The following ZNF516 variants were observed in gnomAD, a reference collection of about 807,000 sequenced individuals.
The protein encoded by ZNF516 is zinc finger protein 516.
ZNF516 carries 19 observed loss-of-function variants against 79.7 expected under a neutral mutation model. The ratio of observed to expected loss-of-function variants is 0.24; its 90% confidence interval spans 0.17 to 0.35. The LOEUF (loss-of-function observed/expected upper bound fraction) is 0.35. Among genes scored for constraint, ZNF516 ranks in the 10% least tolerant of loss-of-function variants. ZNF516 has a pLI of 1.00. For synonymous variants in ZNF516, 877 were observed against 739.5 expected, an observed-to-expected ratio of 1.19 and a Z score of -3.02; for missense variants, 1,678 against 1,679.5, an observed-to-expected ratio of 1.00 and a Z score of 0.02.
chr18:76,479,514 G>C (rs564093911), intron 1 of ZNF516, among the ~76,000 whole-genome samples: 27 of 152,282 alleles, frequency 1.8e-4, no homozygotes, highest in Middle Eastern at 3.4e-3. Context: ...CCTGGGGCAG[G>C]CTGGCTTCCC....
chr18:76,483,880 G>A (rs533189197), intron 1 of ZNF516, among the ~76,000 whole-genome samples: 2 of 152,226 alleles, frequency 1.3e-5, no homozygotes, highest in Admixed American at 6.5e-5. Context: ...CTCCTTGAGC[G>A]CTGCCATGTG....
chr18:76,464,435 G>C (rs192822908), intron 1 of ZNF516, among the ~76,000 whole-genome samples: 1 of 152,220 alleles, frequency 6.6e-6, no homozygotes, highest in African/African-American at 2.4e-5. Flanking sequence ...TCTCAAGCTG[G>C]CATTCAGAAA....
At chr18:76,488,027 T>A (rs930614265) in intron 1 of ZNF516, 30 of 985,266 alleles carry the variant, frequency 3.0e-5, no homozygotes, top group Non-Finnish European at 3.0e-5. Flanking sequence ...TAATCACTGC[T>A]GCACAAACAG....
intron 1 of ZNF516, chr18:76,490,030 A>C (rs958434338): frequency 1.7e-5 from 5 of 294,324 alleles, no homozygotes; most frequent in Non-Finnish European, 2.5e-5. Flanking sequence ...CAAATTAGCA[A>C]ATGTTAAGAA....
At chr18:76,430,298 C>T (rs770403145) in intron 3 of ZNF516, among the ~76,000 whole-genome samples, 5 of 152,026 alleles carry the variant, frequency 3.3e-5, no homozygotes, top group East Asian at 3.9e-4. Flanking sequence ...AGTCTAATAC[C>T]GAAATAATCT....
chr18:76,482,008 G>T (rs1479728168), intron 1 of ZNF516, among the ~76,000 whole-genome samples: 2 of 152,152 alleles, frequency 1.3e-5, no homozygotes, highest in Non-Finnish European at 2.9e-5. Context: ...CCTTAAGAAT[G>T]TTATTGAAGG....
At chr18:76,432,949 G>T (rs552768901) in intron 3 of ZNF516, among the ~76,000 whole-genome samples, 1 of 152,304 alleles carries the variant, frequency 6.6e-6, no homozygotes, top group Admixed American at 6.5e-5. Flanking sequence ...AAGGGAAGAA[G>T]GCGACCTCCC....
At position 76,399,097 on chromosome 18, in the gene ZNF516, C is replaced by G. The variant is rs550884533; in HGVS notation, c.1811-18794G>C. On this transcript the variant is annotated intron_variant, in intron 3 of 6. Transcript: ENST00000443185. ...ATGCATGGAAGCTACCACTAGATGG[C>G]ACCTGCGCCCAAGCTATAGCCCGAC... is the stretch of plus-strand genomic sequence containing the variant. 6.6e-5 allele frequency among the ~76,000 whole-genome samples: 10 copies of G among 152,306 alleles called. No individual in the cohort carries two copies. In the East Asian group the frequency reaches 1.5e-3, roughly 24 times the overall value.
chr18:76,463,092 G>C lies in ZNF516; in HGVS notation c.-222C>G, dbSNP rs1353084945. On this transcript the variant is annotated 5_prime_UTR_variant, in exon 2 of 7. Transcript: ENST00000443185. ...TCCCAGTTGGATGCTGGTACTCTCA[G>C]CTAAAAGTGTTCAGAGAAGGACCGA... is the stretch of plus-strand genomic sequence containing the variant. 1 of 152,206 alleles carries C rather than the reference G, an allele frequency of 6.6e-6. No individual in the cohort carries two copies. The highest frequency in any genetic ancestry group is 2.4e-5 in the African/African-American group (1 of 41,444). The allele number at this position is 152,206 out of a possible 1,614,324, so 9.4% of individuals were successfully genotyped here.
chr18:76,456,367 CA>C (rs1263666392), intron 2 of ZNF516, among the ~76,000 whole-genome samples: 1 of 152,228 alleles, frequency 6.6e-6, no homozygotes, highest in Non-Finnish European at 1.5e-5. Context: ...CTAAAGGCCC[CA>C]AAATCTTGCT....
intron 4 of ZNF516, among the ~76,000 whole-genome samples, chr18:76,375,526 G>A (rs749933486): frequency 2.0e-5 from 3 of 151,650 alleles, no homozygotes; most frequent in Non-Finnish European, 4.4e-5. Flanking sequence ...GGACGCAGAA[G>A]GTCCTGGAGA....
At chr18:76,465,089 G>A (rs1363809760) in intron 1 of ZNF516, among the ~76,000 whole-genome samples, 2 of 152,224 alleles carry the variant, frequency 1.3e-5, no homozygotes, top group East Asian at 1.9e-4. Flanking sequence ...GCTCAAGGCT[G>A]GCATGCATCG....
intron 3 of ZNF516, among the ~76,000 whole-genome samples, chr18:76,437,617 TC>T (rs1170935050): frequency 2.0e-5 from 3 of 152,066 alleles, no homozygotes; most frequent in African/African-American, 4.8e-5. Context: ...ATTCCAGGAC[TC>T]CCCGATACCA....
chr18:76,379,136 C>A lies in ZNF516; in HGVS notation c.2978G>T (p.Gly993Val). The A allele has an allele frequency of 6.2e-7, 1 of 1,612,736 alleles. No homozygotes were observed. The highest frequency in any genetic ancestry group is 2.2e-5 in the East Asian group (1 of 44,862). ...QGPPPAKGEG[G>V]APPLPPREPP... Reference sequence around the variant, plus strand: ...CTCGCGGGGAGGTAGAGGAGGAGCGCCCCCTTCGCCCTTTGCAGGAGGTGG... The same window carrying A: ...CTCGCGGGGAGGTAGAGGAGGAGCGACCCCTTCGCCCTTTGCAGGAGGTGG... Residue 993 changes from glycine to valine, a missense_variant, in exon 4 of 7, where the codon GGC becomes GTC. Gly to Val is a moderately radical substitution (Grantham distance 109). This residue lies in a region of ZNF516 where 1,294 missense variants were observed against 1,248.3 expected (regional missense o/e 1.04). Transcript: ENST00000443185.
chr18:76,365,372 G>GT (rs1240010524), intron 6 of ZNF516, among the ~76,000 whole-genome samples: 2 of 151,870 alleles, frequency 1.3e-5, no homozygotes, highest in Non-Finnish European at 2.9e-5. Flanking sequence ...ATTTTTCTTG[G>GT]TTTCAAAAAT....
chr18:76,440,347 G>A (rs894671488), intron 3 of ZNF516, among the ~76,000 whole-genome samples: 41 of 152,148 alleles, frequency 2.7e-4, no homozygotes, highest in African/African-American at 9.2e-4. Context: ...GCCCTGCCCC[G>A]GGCTTGGATT....
chr18:76,378,736 G>C (rs1408433407), intron 4 of ZNF516, 119 bp downstream of exon 4: 12 of 1,410,488 alleles, frequency 8.5e-6, no homozygotes, highest in Non-Finnish European at 1.1e-5. Context: ...CAGTGGGATG[G>C]GGCCGGCTGG....
chr18:76,427,511 C>T (rs1046660288), intron 3 of ZNF516, among the ~76,000 whole-genome samples: 1 of 152,162 alleles, frequency 6.6e-6, no homozygotes, highest in African/African-American at 2.4e-5. Flanking sequence ...CGAGGTTTTA[C>T]ATGGGTTAAC....
At position 76,442,999 on chromosome 18, in the gene ZNF516, C is replaced by A. The variant is rs1477081995; in HGVS notation, c.56G>T (p.Arg19Met). The change falls in exon 3 of 7, where the codon AGG becomes ATG. Residue 19 changes from arginine to methionine, a missense_variant. Around this residue, in one of 5 missense-constraint regions of ZNF516, gnomAD observed 62 missense variants for 58.9 expected, o/e 1.05. Transcript: ENST00000443185. ...ATCCACCTCGTGGCCCCGGCCGGCC[C>A]TGGTGGGGCTGGGGCCTCGCCTCAG... ...MELRRGPSPT[R>M]AGRGHEVDGD... is the part of the protein sequence containing the mutation. The A allele has an allele frequency of 6.2e-7, 1 of 1,601,370 alleles. No homozygotes were observed. The highest frequency in any genetic ancestry group is 2.2e-5 in the East Asian group (1 of 44,798).
Sources: gnomAD v4.1 joint callset for allele counts (sites outside exome capture counted in the v4.1 genomes callset) on GRCh38, gnomAD v4.1.1 for gene constraint, gnomAD v4.1.1 regional missense constraint, MANE v1.5 for transcripts, NCBI Gene and HGNC (gene_info 2026-07-23, HGNC 2026-07-21) for gene names.